The following CSRP2 variants were observed in gnomAD, a reference collection of about 807,000 sequenced individuals.
The protein encoded by CSRP2 is cysteine and glycine-rich protein 2.
Under a neutral mutation model 24.6 loss-of-function variants are expected in CSRP2, and 18 were observed. The observed-to-expected ratio is 0.73, with a 90% CI of 0.51 to 1.09. The LOEUF (loss-of-function observed/expected upper bound fraction) is 1.09, where lower values mean the gene tolerates loss of function less well. Ranked by LOEUF, CSRP2 falls within the 50% of genes least tolerant of loss-of-function variation. CSRP2 has a pLI of 0.00. For missense variants in CSRP2, 215 were observed against 239.4 expected, an observed-to-expected ratio of 0.90 and a Z score of 0.67; for synonymous variants, 87 against 84.3, an observed-to-expected ratio of 1.03 and a Z score of -0.18.
intron 1 of CSRP2, among the ~76,000 whole-genome samples, chr12:76,866,731 T>C (rs764107941): frequency 2.6e-5 from 4 of 152,232 alleles, no homozygotes; most frequent in Non-Finnish European, 5.9e-5. Context: ...ATTCTTAACG[T>C]TTAACATATA....
At chr12:76,859,742 G>T in intron 4 of CSRP2, 102 bp from the exon 5 acceptor site, 1 of 786,376 alleles carries the variant, frequency 1.3e-6, no homozygotes, top group Non-Finnish European at 2.1e-6. Context: ...CTCAAAGCAA[G>T]CTCCTGACTT....
intron 1 of CSRP2, among the ~76,000 whole-genome samples, chr12:76,868,670 G>A (rs1445372231): frequency 2.0e-5 from 3 of 152,198 alleles, no homozygotes; most frequent in Non-Finnish European, 4.4e-5. Context: ...GTTTGGCCAG[G>A]TGCGGTGGCT....
chr12:76,860,705 G>T (rs1372634348), intron 3 of CSRP2: 4 of 242,154 alleles, frequency 1.7e-5, no homozygotes, highest in Non-Finnish European at 3.2e-5. Context: ...CCTCAGTGTT[G>T]GCCTCTCCAC....
intron 1 of CSRP2, among the ~76,000 whole-genome samples, chr12:76,876,006 C>A (rs936624896): frequency 1.3e-5 from 2 of 152,162 alleles, no homozygotes; most frequent in Admixed American, 1.3e-4. Context: ...CTAAACTAAA[C>A]CCCTGGTAGC....
Position 76,859,565 on chromosome 12 carries a change from CTTCT to C in CSRP2, c.483_486del (p.Glu162ValfsTer34). ...ATTTTACCTTTACAATAGATTTCAC[CTTCT>C]TTTTCAGTCAGAGTTGTTGATTCAA... On this transcript the variant is annotated frameshift_variant, in exon 5 of 6. Transcript: ENST00000311083. LOFTEE classifies it high-confidence loss of function. The C allele has an allele frequency of 6.2e-7, 1 of 1,612,810 alleles. No individual in the cohort carries two copies. Among genetic ancestry groups the C allele is most frequent in the South Asian group, 1.1e-5 (1 of 90,986 alleles).
chr12:76,874,876 A>G (rs991835366), intron 1 of CSRP2, among the ~76,000 whole-genome samples: 3 of 152,140 alleles, frequency 2.0e-5, no homozygotes, highest in African/African-American at 7.2e-5. Context: ...GTTTCATCCC[A>G]AAATTTCATG....
chr12:76,866,040 G>T, intron 2 of CSRP2, 109 bp downstream of exon 2: 1 of 768,082 alleles, frequency 1.3e-6, no homozygotes, highest in Non-Finnish European at 2.2e-6. Context: ...AACCATTCGT[G>T]CTTTCAAAAT....
chr12:76,877,263 G>C (rs918292411), intron 1 of CSRP2, among the ~76,000 whole-genome samples: 2 of 152,178 alleles, frequency 1.3e-5, no homozygotes, highest in Non-Finnish European at 2.9e-5. Context: ...GCTGTTTTAG[G>C]ATAAAATTCA....
In CSRP2 at chr12:76,862,757, TG is replaced by T. The variant is rs1268917185; in HGVS notation, c.281+418del. 1.3e-5 allele frequency: 17 copies of T among 1,340,966 alleles called. No individual in the cohort carries two copies. In the Middle Eastern group the frequency reaches 9.6e-4, roughly 76 times the overall value. 83.1% of individuals were successfully genotyped at this position (1,340,966 alleles called of 1,614,324 possible). A position where few individuals can be genotyped will look rare whatever the true frequency, so the allele number is the denominator to read the frequency against. ...AAGTTAGAGAAAAGTGATTTCTTGATGAAAAATGTTTACATAGAAGGAGTGA... is the reference window on the plus strand; with the variant it reads ...AAGTTAGAGAAAAGTGATTTCTTGATAAAAATGTTTACATAGAAGGAGTGA... On this transcript the variant is annotated intron_variant, in intron 3 of 5. Coordinates refer to ENST00000311083, the MANE Select transcript of CSRP2 (RefSeq NM_001321.3).
At chr12:76,877,528 G>A (rs1414044687) in intron 1 of CSRP2, among the ~76,000 whole-genome samples, 3 of 152,120 alleles carry the variant, frequency 2.0e-5, no homozygotes, top group Non-Finnish European at 2.9e-5. Flanking sequence ...ATTGTCCAAG[G>A]TACCCAAGCA....
At position 76,866,092 on chromosome 12, in the gene CSRP2, T is replaced by C. The variant is rs1953732147; in HGVS notation, c.112+57A>G. On this transcript the variant is annotated intron_variant, in intron 2 of 5. Coordinates refer to ENST00000311083, the MANE Select transcript of CSRP2 (RefSeq NM_001321.3). ...ACCACAATTTTTCCTTAAATAGACATATTGAAGCTCTGTACATACAAATTC... is the reference window on the plus strand; with the variant it reads ...ACCACAATTTTTCCTTAAATAGACACATTGAAGCTCTGTACATACAAATTC... 35 of 1,308,502 alleles carry C rather than the reference T, an allele frequency of 2.7e-5. 1 individual carries two copies. The highest frequency in any genetic ancestry group is 2.3e-4 in the South Asian group (18 of 79,454). 81.1% of individuals were successfully genotyped at this position (1,308,502 alleles called of 1,614,324 possible).
At position 76,863,229 on chromosome 12, in the gene CSRP2, G is replaced by A; in HGVS notation, c.228C>T (p.Gly76=). The A allele has an allele frequency of 3.1e-6, 5 of 1,614,214 alleles. No individual in the cohort carries two copies. Among genetic ancestry groups the A allele is most frequent in the African/African-American group, 1.3e-5 (1 of 75,066 alleles). Residue 76 remains glycine (G), a synonymous_variant, in exon 3 of 6, where the codon GGC becomes GGT. Coordinates refer to ENST00000311083, the MANE Select transcript of CSRP2 (RefSeq NM_001321.3). ...CACGGTCCATGTTAAGCGTGCCAGC[G>A]CCCTGGCCATAACCGTAGCCTTTTG... The part of the protein sequence containing the change: ...YGPKGYGYGQ[G]AGTLNMDRGE...
chr12:76,864,269 TC>T (rs1386083652), intron 2 of CSRP2: 2 of 152,206 alleles, frequency 1.3e-5, no homozygotes, highest in African/African-American at 2.4e-5. Context: ...CAGAATTTCT[TC>T]CCCTTATTTA....
rs754100473 is a variant in CSRP2 at position 76,866,231 on chromosome 12, A to G, written c.30T>C (p.Cys10=). 4.3e-6 allele frequency: 7 copies of G among 1,614,140 alleles called. No individual in the cohort carries two copies. Among genetic ancestry groups the G allele is most frequent in the Non-Finnish European group, 5.9e-6 (7 of 1,180,018 alleles). The change falls in exon 2 of 6, where the codon TGT becomes TGC. Residue 10 remains cysteine (C), a synonymous_variant. Coordinates refer to ENST00000311083, the MANE Select transcript of CSRP2 (RefSeq NM_001321.3). MPVWGGGNK[C]GACGRTVYHA... ...GGTACACGGTCCTCCCACAGGCCCC[A>G]CACTTGTTTCCACCTCCCCAGACAG...
intron 1 of CSRP2, among the ~76,000 whole-genome samples, chr12:76,869,529 A>AACACACGCACACACACAC (rs1555192081): frequency 1.5e-5 from 2 of 135,420 alleles, no homozygotes; most frequent in Non-Finnish European, 3.1e-5. Context: ...TAAAACAAAC[A>AACACACGCACACACACAC]ACACACACAC....
intron 1 of CSRP2, among the ~76,000 whole-genome samples, chr12:76,871,946 C>T (rs894496044): frequency 2.0e-5 from 3 of 151,820 alleles, no homozygotes; most frequent in Admixed American, 6.6e-5. Flanking sequence ...AGCCTTTGGC[C>T]GTACTACTCC....
rs1050409244 is a variant in CSRP2, at chr12:76,878,941, A to G, written c.-5T>C. On this transcript the variant is annotated 5_prime_UTR_variant, in exon 1 of 6. Transcript: ENST00000311083. The stretch of plus-strand genomic sequence containing the variant: ...CCGCCCCACCGCCCCTACTCACTTG[A>G]GTCGGAGGCGGGAGCACGTACCGCA... 1 of 152,250 alleles carries G rather than the reference A, an allele frequency of 6.6e-6. No individual in the cohort carries two copies. The highest frequency in any genetic ancestry group is 1.5e-5 in the Non-Finnish European group (1 of 68,118). The allele number at this position is 152,250 out of a possible 1,614,324, so 9.4% of individuals were successfully genotyped here. A position where few individuals can be genotyped will look rare whatever the true frequency, so the allele number is the denominator to read the frequency against.
chr12:76,866,735 A>C (rs1379866865), intron 1 of CSRP2, among the ~76,000 whole-genome samples: 1 of 152,250 alleles, frequency 6.6e-6, no homozygotes, highest in African/African-American at 2.4e-5. Context: ...TTAACGTTTA[A>C]CATATATAAG....
chr12:76,858,865 T>A lies in CSRP2; in HGVS notation c.*87A>T. On this transcript the variant is annotated 3_prime_UTR_variant, in exon 6 of 6. Transcript: ENST00000311083. ...TATACAGTACTTAATGCTGGTAGAA[T>A]TTCACAGTAGTTTAGTGTTAAAGAT... 8.0e-7 allele frequency: 1 copy of A among 1,247,926 alleles called. No individual in the cohort carries two copies. 77.3% of individuals were successfully genotyped at this position (1,247,926 alleles called of 1,614,324 possible).
Sources: allele counts gnomAD v4.1 joint callset (sites outside exome capture counted in the v4.1 genomes callset), GRCh38; gene constraint gnomAD v4.1.1; transcripts MANE v1.5; gene names NCBI Gene and HGNC (gene_info 2026-07-23, HGNC 2026-07-21).